SETBP1: variants seen among roughly 807,000 people sequenced by gnomAD.
SETBP1 encodes the protein SET binding protein 1.
SETBP1 carries 9 observed loss-of-function variants against 101.0 expected under a neutral mutation model. The observed-to-expected ratio is 0.09, with a 90% CI of 0.05 to 0.16. SETBP1 has a LOEUF of 0.16. Ranked by LOEUF, SETBP1 falls within the 10% of genes least tolerant of loss-of-function variation. The pLI, the probability that SETBP1 is intolerant of heterozygous loss-of-function variation, is 1.00. For missense variants in SETBP1, 1,858 were observed against 2,033.8 expected (o/e 0.91, Z 1.66); for synonymous variants, 818 against 788.5 (o/e 1.04, Z -0.63).
chr18:44,897,006 C>A (rs746369786), intron 3 of SETBP1, among the ~76,000 whole-genome samples: 1 of 152,164 alleles, frequency 6.6e-6, no homozygotes, highest in African/African-American at 2.4e-5. Context: ...ACCCAGCTGT[C>A]GCCCAGAGTG....
At chr18:44,813,346 T>C (rs57126405) in intron 2 of SETBP1, among the ~76,000 whole-genome samples, 3,148 of 152,252 alleles carry the variant, frequency 0.021, 95 homozygotes, top group African/African-American at 0.072. Flanking sequence ...GCTTTTTTTT[T>C]CCCTTTCCTA....
intron 5 of SETBP1, among the ~76,000 whole-genome samples, chr18:45,048,666 A>T (rs538722156): frequency 3.0e-4 from 45 of 152,150 alleles, no homozygotes; most frequent in Non-Finnish European, 6.3e-4. Context: ...AATTCTATGA[A>T]TGATATATAC....
intron 4 of SETBP1, among the ~76,000 whole-genome samples, chr18:44,993,241 A>G (rs2072418377): frequency 6.6e-6 from 1 of 152,096 alleles, no homozygotes; most frequent in South Asian, 2.1e-4. Flanking sequence ...CTTTACTATC[A>G]GAAACAAGGC....
intron 2 of SETBP1, among the ~76,000 whole-genome samples, chr18:44,832,715 G>T (rs1365828440): frequency 6.6e-6 from 1 of 152,134 alleles, no homozygotes; most frequent in Non-Finnish European, 1.5e-5. Flanking sequence ...CTCATTACAG[G>T]GGCCTGGCTG....
In SETBP1 at chr18:44,681,029, T is replaced by C. The variant is rs1055299910; in HGVS notation, c.-173+8T>C. ...GTGGTCCAGCCGGCGAAGGTTGGTG[T>C]GTGCTTGTGTTGTGCCTGTGTGTTA... On this transcript the variant is annotated splice_region_variant and intron_variant, in intron 1 of 5. Transcript: ENST00000649279. The C allele has an allele frequency of 4.6e-5, 7 of 152,196 alleles. No individual in the cohort carries two copies. Among genetic ancestry groups the C allele is most frequent in the Admixed American group, 3.3e-4 (5 of 15,276 alleles). The allele number at this position is 152,196 out of a possible 1,614,324, so 9.4% of individuals were successfully genotyped here.
At chr18:44,814,938 T>C (rs1222070762) in intron 2 of SETBP1, among the ~76,000 whole-genome samples, 1 of 152,226 alleles carries the variant, frequency 6.6e-6, no homozygotes, top group African/African-American at 2.4e-5. Flanking sequence ...TTAGCTGTAC[T>C]TGGTGTCAAT....
intron 3 of SETBP1, among the ~76,000 whole-genome samples, chr18:44,940,741 C>T (rs977247431): frequency 6.6e-6 from 1 of 152,146 alleles, no homozygotes; most frequent in African/African-American, 2.4e-5. Flanking sequence ...TAAGAAGTCA[C>T]TTGTCTTTTA....
Position 44,951,426 on chromosome 18 carries a change from C to A in SETBP1, c.2086C>A (p.Pro696Thr). 2 of 1,614,116 alleles carry A rather than the reference C, an allele frequency of 1.2e-6. No individual in the cohort carries two copies. The highest frequency in any genetic ancestry group is 1.7e-6 in the Non-Finnish European group (2 of 1,180,006). ...SSVALKAKAP[P>T]ETSPGAAAIE... ...CGTTGCTCTGAAGGCAAAAGCTCCCCCAGAGACCAGCCCTGGGGCAGCAGC... is the reference window on the plus strand; with the variant it reads ...CGTTGCTCTGAAGGCAAAAGCTCCCACAGAGACCAGCCCTGGGGCAGCAGC... The change falls in exon 4 of 6, where the codon CCA becomes ACA. Residue 696 changes from proline (P) to threonine (T), a missense_variant. By Grantham distance (38) the Pro-to-Thr change is conservative (BLOSUM62 -1). Around this residue, in one of 12 missense-constraint regions of SETBP1, gnomAD observed 111 missense variants for 119.3 expected, o/e 0.93. Transcript: ENST00000649279. The surrounding 1 kb of genome is among the most constrained non-coding windows in gnomAD (Gnocchi z 7.8).
intron 2 of SETBP1, among the ~76,000 whole-genome samples, chr18:44,823,412 A>T (rs933430509): frequency 3.9e-5 from 6 of 152,250 alleles, no homozygotes; most frequent in Non-Finnish European, 2.9e-5. Context: ...CTGCTCTAAC[A>T]ATAAGCAGTT....
At chr18:44,736,332 T>C (rs7232612) in intron 2 of SETBP1, among the ~76,000 whole-genome samples, 3,476 of 152,240 alleles carry the variant, frequency 0.023, 143 homozygotes, top group African/African-American at 0.079. Flanking sequence ...CAAGTCATGA[T>C]TGCATACTAC....
At chr18:44,689,162 G>A (rs921859273) in intron 1 of SETBP1, among the ~76,000 whole-genome samples, 4 of 152,342 alleles carry the variant, frequency 2.6e-5, no homozygotes, top group Non-Finnish European at 2.9e-5. Flanking sequence ...GTAGAACAAA[G>A]GGACATTCTT....
intron 4 of SETBP1, among the ~76,000 whole-genome samples, chr18:44,998,179 A>G (rs1371018232): frequency 6.6e-6 from 1 of 152,230 alleles, no homozygotes; most frequent in African/African-American, 2.4e-5. Flanking sequence ...TTGTTATAAT[A>G]CAATGATGGT....
intron 2 of SETBP1, among the ~76,000 whole-genome samples, chr18:44,714,262 G>A (rs556190033): frequency 1.3e-5 from 2 of 152,086 alleles, no homozygotes; most frequent in Admixed American, 1.3e-4. Flanking sequence ...GCAGTGGCAC[G>A]ATTTCCGCTC....
chr18:44,880,572 G>A (rs2069507764), intron 3 of SETBP1, among the ~76,000 whole-genome samples: 1 of 152,190 alleles, frequency 6.6e-6, no homozygotes, highest in African/African-American at 2.4e-5. Context: ...GTTGGCTAAT[G>A]GTTCTGCAGG....
At chr18:44,717,029 T>C (rs968112854) in intron 2 of SETBP1, among the ~76,000 whole-genome samples, 1 of 152,146 alleles carries the variant, frequency 6.6e-6, no homozygotes, top group Non-Finnish European at 1.5e-5. Flanking sequence ...ACAACCGCAA[T>C]GTGATGTTAC....
rs1005567791 is a variant in SETBP1 at position 44,744,787 on chromosome 18, A to C, written c.486+42955A>C. On this transcript the variant is annotated intron_variant, in intron 2 of 5. Coordinates refer to ENST00000649279, the MANE Select transcript of SETBP1 (RefSeq NM_015559.3). ...CTCCTCTTAAAAAAAAAAAAACAAA[A>C]AAAAAAACGCTTTCTTCGTGCTTGC... 7.3e-5 allele frequency among the ~76,000 whole-genome samples: 11 copies of C among 151,398 alleles called. No homozygotes were observed. The East Asian group carries it at 9.7e-4, about 13-fold the overall frequency.
chr18:44,949,812 T>G (rs1270356962), intron 3 of SETBP1, 69 bp from the exon 4 acceptor site: 1 of 1,230,568 alleles, frequency 8.1e-7, no homozygotes, highest in Admixed American at 1.8e-5. Context: ...AAATATTAAG[T>G]AGCTTCAACA....
intron 5 of SETBP1, among the ~76,000 whole-genome samples, chr18:45,047,912 A>C (rs2073644403): frequency 6.6e-6 from 1 of 152,216 alleles, no homozygotes; most frequent in African/African-American, 2.4e-5. Flanking sequence ...CCTGGGAGAC[A>C]CTGGAGTCAT....
In SETBP1 at chr18:44,734,067, G is replaced by A. The variant is rs116096679; in HGVS notation, c.486+32235G>A. Among the ~76,000 whole-genome samples, 288 of 152,278 alleles carry A rather than the reference G, an allele frequency of 1.9e-3. 2 individuals are homozygous for A. The highest frequency in any genetic ancestry group is 6.7e-3 in the African/African-American group (277 of 41,538). ...CACACACTGAAGCAAATGAGGACAA[G>A]CCCTGAAAATCAGACCCTGTTGAGG... On this transcript the variant is annotated intron_variant, in intron 2 of 5. Coordinates refer to ENST00000649279, the MANE Select transcript of SETBP1 (RefSeq NM_015559.3).
Sources: allele counts gnomAD v4.1 joint callset (sites outside exome capture counted in the v4.1 genomes callset), GRCh38; gene constraint gnomAD v4.1.1; regional missense constraint gnomAD v4.1.1; non-coding constraint Gnocchi (gnomAD v3.1); transcripts MANE v1.5; gene names NCBI Gene and HGNC (gene_info 2026-07-23, HGNC 2026-07-21).